The following GOSR2 variants were observed in gnomAD, a reference collection of about 807,000 sequenced individuals.
The protein encoded by GOSR2 is golgi SNAP receptor complex member 2.
Under a neutral mutation model 27.9 loss-of-function variants are expected in GOSR2, and 20 were observed. That is an observed-to-expected ratio of 0.72 (90% CI 0.50 to 1.04). The LOEUF (loss-of-function observed/expected upper bound fraction) is 1.04, where lower values mean the gene tolerates loss of function less well. GOSR2 is among the 50% of genes least tolerant of loss of function. The pLI is 0.00. For synonymous variants in GOSR2, 91 were observed against 98.8 expected (o/e 0.92, Z 0.47); for missense variants, 261 against 270.5 (o/e 0.97, Z 0.25).
In GOSR2 at chr17:46,940,656, C is replaced by T; in HGVS notation, c.*1896C>T. The T allele has an allele frequency of 1.2e-6, 2 of 1,612,660 alleles. No homozygotes were observed. The highest frequency in any genetic ancestry group is 1.7e-6 in the Non-Finnish European group (2 of 1,179,050). On this transcript the variant is annotated 3_prime_UTR_variant, in exon 6 of 6. Transcript: ENST00000640051. Reference sequence around the variant, plus strand: ...TCTGGGAGGCAGAAGTCCCCGCACCCATCATGCGTGGACTGATAGGACATC... The same window carrying T: ...TCTGGGAGGCAGAAGTCCCCGCACCTATCATGCGTGGACTGATAGGACATC...
At position 46,923,187 on chromosome 17, in the gene GOSR2, G is replaced by A; in HGVS notation, c.-6G>A. ...AGCCGGAGCCGTGGCCTGCGGGGCCGGCGACATGGATCCCCTGTTCCAGCA... is the reference window on the plus strand; with the variant it reads ...AGCCGGAGCCGTGGCCTGCGGGGCCAGCGACATGGATCCCCTGTTCCAGCA... On this transcript the variant is annotated 5_prime_UTR_variant, in exon 1 of 6. Coordinates refer to ENST00000640051, the MANE Select transcript of GOSR2 (RefSeq NM_004287.5). 6 of 1,541,876 alleles carry A rather than the reference G, an allele frequency of 3.9e-6. No individual in the cohort carries two copies. Among genetic ancestry groups the A allele is most frequent in the Non-Finnish European group, 5.3e-6 (6 of 1,138,338 alleles).
intron 6 of GOSR2, chr17:46,975,157 TGTC>T (rs1196608842): frequency 6.6e-6 from 1 of 152,160 alleles, no homozygotes; most frequent in Non-Finnish European, 1.5e-5. Flanking sequence ...AAACACATCA[TGTC>T]GTGAAAGCTA....
intron 6 of GOSR2, among the ~76,000 whole-genome samples, chr17:46,957,004 A>G (rs2090761798): frequency 6.6e-6 from 1 of 152,196 alleles, no homozygotes; most frequent in Admixed American, 6.5e-5. Context: ...CTGCCCGCTG[A>G]CAGGTGAATC....
downstream of GOSR2, among the ~76,000 whole-genome samples, chr17:46,946,457 G>A (rs1270041224): frequency 4.4e-5 from 4 of 89,912 alleles, no homozygotes; most frequent in South Asian, 1.3e-3. Context: ...GCAAAACTCC[G>A]TCTCAAAAAA....
intron 6 of GOSR2, among the ~76,000 whole-genome samples, chr17:46,959,227 GAGCTC>G (rs2090917206): frequency 6.6e-6 from 1 of 152,234 alleles, no homozygotes; most frequent in African/African-American, 2.4e-5. Context: ...GACTGACTGT[GAGCTC>G]AGAGCAGGCA....
intron 1 of GOSR2, among the ~76,000 whole-genome samples, chr17:46,925,502 GA>G (rs2086364034): frequency 6.6e-6 from 1 of 152,154 alleles, no homozygotes; most frequent in Non-Finnish European, 1.5e-5. Context: ...TCTGGTTCTA[GA>G]CCTCCTTACT....
chr17:46,930,766 T>C, intron 2 of GOSR2: 1 of 235,014 alleles, frequency 4.3e-6, no homozygotes, highest in African/African-American at 2.3e-5. Context: ...AAGAGACCTA[T>C]ATCAGAAAAT....
In GOSR2 at chr17:46,941,021, A is replaced by T; in HGVS notation, c.*2261A>T. On this transcript the variant is annotated 3_prime_UTR_variant, in exon 6 of 6. Coordinates refer to ENST00000640051, the MANE Select transcript of GOSR2 (RefSeq NM_004287.5). ...GCACCCTCTAGTGGAGGCGGGGGTG[A>T]ATTCTTAGGTCGAGCTGATGCAAGA... 1.8e-6 allele frequency: 2 copies of T among 1,108,000 alleles called. No individual in the cohort carries two copies. The highest frequency in any genetic ancestry group is 5.1e-5 in the South Asian group (2 of 39,036). 68.6% of individuals were successfully genotyped at this position (1,108,000 alleles called of 1,614,324 possible). A position where few individuals can be genotyped will look rare whatever the true frequency, so the allele number is the denominator to read the frequency against.
At chr17:46,929,651 C>G (rs2087012976) in intron 2 of GOSR2, 67 bp downstream of exon 2, 3 of 820,780 alleles carry the variant, frequency 3.7e-6, no homozygotes, top group Non-Finnish European at 6.5e-6. Context: ...GCTGGGCTTC[C>G]TGACTGCACT....
intron 6 of GOSR2, among the ~76,000 whole-genome samples, chr17:46,973,763 A>G (rs7214920): frequency 0.85 from 129,923 of 152,116 alleles, 55,781 homozygotes; most frequent in Middle Eastern, 0.91. Flanking sequence ...CTCAAGAGAT[A>G]CTACTCGGAA....
chr17:46,973,681 CTGGACACCCCG>C (rs2091416483), intron 6 of GOSR2, among the ~76,000 whole-genome samples: 1 of 152,160 alleles, frequency 6.6e-6, no homozygotes, highest in Non-Finnish European at 1.5e-5. Context: ...GTTTGCTGTC[CTGGACACCCCG>C]TGTATCTGCT....
chr17:46,952,974 C>G (rs1016623801), intron 6 of GOSR2: 9 of 152,116 alleles, frequency 5.9e-5, no homozygotes, highest in African/African-American at 1.9e-4. Flanking sequence ...AGCTGGCACA[C>G]AATATTCATT....
At position 46,938,815 on chromosome 17, in the gene GOSR2, G is replaced by A. The variant is rs2088845539; in HGVS notation, c.*55G>A. 3 of 1,611,836 alleles carry A rather than the reference G, an allele frequency of 1.9e-6. No homozygotes were observed. The highest frequency in any genetic ancestry group is 2.5e-6 in the Non-Finnish European group (3 of 1,179,780). On this transcript the variant is annotated 3_prime_UTR_variant, in exon 6 of 6. Transcript: ENST00000640051. ...TCCCACAGCCTGCAAGTGTGTGTGT[G>A]TGTGAAAGAGAGAGGGGGGCCCAGA...
chr17:46,961,435 T>G (rs1216708406), intron 6 of GOSR2, among the ~76,000 whole-genome samples: 1 of 152,008 alleles, frequency 6.6e-6, no homozygotes, highest in Non-Finnish European at 1.5e-5. Context: ...TTTGGAAGGC[T>G]GAGGTGAGAG....
downstream of GOSR2, among the ~76,000 whole-genome samples, chr17:46,946,625 G>T (rs1204995024): frequency 2.6e-5 from 4 of 152,168 alleles, no homozygotes; most frequent in African/African-American, 9.6e-5. Context: ...CACTTTGGGA[G>T]GCCAAAGCAG....
rs1239186778 is a variant in GOSR2, at chr17:46,940,048, G to C, written c.*1288G>C. 12 of 1,069,264 alleles carry C rather than the reference G, an allele frequency of 1.1e-5. No homozygotes were observed. Among genetic ancestry groups the C allele is most frequent in the Non-Finnish European group, 1.4e-5 (12 of 881,686 alleles). 66.2% of individuals were successfully genotyped at this position (1,069,264 alleles called of 1,614,324 possible). ...TACCTTTGGTTGTCCTGCCCTACCT[G>C]CTCTGTTAGTTTCTTGTTGCTTGAA... is the stretch of plus-strand genomic sequence containing the variant. On this transcript the variant is annotated 3_prime_UTR_variant, in exon 6 of 6. Transcript: ENST00000640051.
intron 6 of GOSR2, among the ~76,000 whole-genome samples, chr17:46,958,063 G>A (rs965774393): frequency 2.0e-5 from 3 of 152,166 alleles, no homozygotes; most frequent in East Asian, 1.9e-4. Flanking sequence ...ACTGGCCGGG[G>A]GTCACCTCAC....
intron 6 of GOSR2, among the ~76,000 whole-genome samples, chr17:46,966,328 G>A (rs954605041): frequency 1.3e-5 from 2 of 152,154 alleles, no homozygotes; most frequent in Admixed American, 6.5e-5. Context: ...GTGTTGCCCA[G>A]GGTGCAGTGC....
chr17:46,938,172 T>C (rs2088726570), intron 5 of GOSR2, among the ~76,000 whole-genome samples: 1 of 151,724 alleles, frequency 6.6e-6, no homozygotes, highest in South Asian at 2.1e-4. Context: ...CTGTTTGCAG[T>C]TTTTAGATAT....
Sources: allele counts gnomAD v4.1 joint callset (sites outside exome capture counted in the v4.1 genomes callset), GRCh38; gene constraint gnomAD v4.1.1; transcripts MANE v1.5; gene names NCBI Gene and HGNC (gene_info 2026-07-23, HGNC 2026-07-21).